SCN8A: variants seen among roughly 807,000 people sequenced by gnomAD.
The protein encoded by SCN8A is sodium voltage-gated channel alpha subunit 8.
SCN8A carries 30 observed loss-of-function variants against 184.1 expected under a neutral mutation model. The ratio of observed to expected loss-of-function variants is 0.16; its 90% CI spans 0.12 to 0.22. The LOEUF is 0.22. SCN8A is among the 10% of genes least tolerant of loss of function. The probability of loss-of-function intolerance (pLI) is 1.00; values close to 1 mark genes in which losing one functional copy is unlikely to be tolerated. For synonymous variants in SCN8A, 852 were observed against 907.0 expected (o/e 0.94, Z 1.09); for missense variants, 1,057 against 2,498.9 (o/e 0.42, Z 12.30).
At chr12:51,627,669 T>C (rs1940109688) in intron 1 of SCN8A, among the ~76,000 whole-genome samples, 1 of 152,168 alleles carries the variant, frequency 6.6e-6, no homozygotes, top group Non-Finnish European at 1.5e-5. Flanking sequence ...GCATGAGCCA[T>C]TGTGCCCAGC....
Position 51,790,462 on chromosome 12 carries a change from TG to T in SCN8A, c.4487del (p.Gly1496AlafsTer13). The T allele has an allele frequency of 6.2e-7, 1 of 1,611,234 alleles. No homozygotes were observed. Among genetic ancestry groups the T allele is most frequent in the Non-Finnish European group, 8.5e-7 (1 of 1,178,666 alleles). ...AAGTACTACAATGCCATGAAAAAGCTGGGCTCAAAGAAGCCACAGAAACCTA... is the reference window on the plus strand; with the variant it reads ...AAGTACTACAATGCCATGAAAAAGCTGGCTCAAAGAAGCCACAGAAACCTA... The part of the protein sequence containing the change: ...QKKYYNAMKK[L>X]GSKKPQKPIP... On this transcript the variant is annotated frameshift_variant, in exon 25 of 27. Coordinates refer to ENST00000627620, the MANE Select transcript of SCN8A (RefSeq NM_001330260.2). LOFTEE classifies it high-confidence loss of function.
intron 1 of SCN8A, among the ~76,000 whole-genome samples, chr12:51,616,385 G>T (rs1939836760): frequency 6.6e-6 from 1 of 152,086 alleles, no homozygotes; most frequent in African/African-American, 2.4e-5. Flanking sequence ...CTGGCTCACG[G>T]ATCACTTGAG....
intron 11 of SCN8A, among the ~76,000 whole-genome samples, chr12:51,716,996 C>A (rs145428947): frequency 6.6e-6 from 1 of 152,266 alleles, no homozygotes; most frequent in Non-Finnish European, 1.5e-5. Context: ...TATTCAAACT[C>A]CCCAATCCTA....
chr12:51,684,356 A>G lies in SCN8A; in HGVS notation c.395+64A>G, dbSNP rs1017101393. 4 of 813,970 alleles carry G rather than the reference A, an allele frequency of 4.9e-6. No individual in the cohort carries two copies. The East Asian group carries it at 7.4e-5, about 15-fold the overall frequency. 50.4% of individuals were successfully genotyped at this position (813,970 alleles called of 1,614,324 possible). On this transcript the variant is annotated intron_variant, in intron 3 of 26. Coordinates refer to ENST00000627620, the MANE Select transcript of SCN8A (RefSeq NM_001330260.2). Reference sequence around the variant, plus strand: ...GCATGGTTGCTTGTTTACCTTTCCAATATTTGACAACTGGATTATATGTTA... The same window carrying G: ...GCATGGTTGCTTGTTTACCTTTCCAGTATTTGACAACTGGATTATATGTTA...
chr12:51,764,214 G>C lies in SCN8A; in HGVS notation c.2545-1457G>C, dbSNP rs148517135. 5.5e-3 allele frequency among the ~76,000 whole-genome samples: 830 copies of C among 152,202 alleles called. 6 individuals carry two copies. The highest frequency in any genetic ancestry group is 0.019 in the African/African-American group (793 of 41,504). ...TTTCAATTAAAAAAAAGTTAAAATT[G>C]TGCTGTTGCCTTCTACCAAAATTCC... On this transcript the variant is annotated intron_variant, in intron 15 of 26. Coordinates refer to ENST00000627620, the MANE Select transcript of SCN8A (RefSeq NM_001330260.2).
At chr12:51,653,037 G>A (rs1268554912) in intron 1 of SCN8A, among the ~76,000 whole-genome samples, 1 of 151,984 alleles carries the variant, frequency 6.6e-6, no homozygotes, top group Non-Finnish European at 1.5e-5. Context: ...TATATAAACT[G>A]GGCCAAGCGA....
In SCN8A at chr12:51,699,710, G is replaced by T. The variant is rs775342033; in HGVS notation, c.847G>T (p.Val283Leu). 1.2e-6 allele frequency: 2 copies of T among 1,613,956 alleles called. No individual in the cohort carries two copies. The highest frequency in any genetic ancestry group is 1.7e-5 in the Admixed American group (1 of 60,006). ...GGGGAACCTTCGAAACAAGTGTGTT[G>T]TGTGGCCCATAAACTTCAACGAGAG... ...FMGNLRNKCV[V>L]WPINFNESYL... is the part of the protein sequence containing the mutation. The change falls in exon 7 of 27, where the codon GTG becomes TTG. Residue 283 changes from valine to leucine, a missense_variant. Physicochemically the swap from Val to Leu is conservative, Grantham distance 32. Transcript: ENST00000627620.
chr12:51,726,119 ATTAG>A (rs1942151339), intron 12 of SCN8A, among the ~76,000 whole-genome samples: 1 of 152,144 alleles, frequency 6.6e-6, no homozygotes, highest in Non-Finnish European at 1.5e-5. Context: ...TTATATCTTC[ATTAG>A]TTATTCAGTT....
rs149865761 is a variant in SCN8A, at chr12:51,772,143, C to T, written c.3645+1460C>T. Among the ~76,000 whole-genome samples, 340 of 152,238 alleles carry T rather than the reference C, an allele frequency of 2.2e-3. 1 individual carries two copies. The highest frequency in any genetic ancestry group is 0.014 in the Middle Eastern group (4 of 294). ...CCGGTCCAGTGGCTCACGCCTTAAT[C>T]CCAGCACTGTGGGAGGCCAAGACGT... On this transcript the variant is annotated intron_variant, in intron 19 of 26. Transcript: ENST00000627620.
chr12:51,639,864 G>T (rs1322665178), intron 1 of SCN8A, among the ~76,000 whole-genome samples: 3 of 69,056 alleles, frequency 4.3e-5, no homozygotes, highest in East Asian at 5.1e-4. Flanking sequence ...AGTATTTTTT[G>T]AATTAAGGTA....
intron 11 of SCN8A, among the ~76,000 whole-genome samples, chr12:51,720,026 A>G (rs1942025203): frequency 6.9e-6 from 1 of 145,716 alleles, no homozygotes; most frequent in African/African-American, 2.5e-5. Flanking sequence ...CAGTGAGCCG[A>G]GATCGCGCCA....
chr12:51,671,165 T>C (rs12372679), intron 2 of SCN8A, among the ~76,000 whole-genome samples: 2,275 of 152,034 alleles, frequency 0.015, 25 homozygotes, highest in Non-Finnish European at 0.023. Flanking sequence ...TTATAATCTT[T>C]AAAAGAGCCA....
Position 51,804,902 on chromosome 12 carries a change from C to T in SCN8A, c.4796-1380C>T, listed in dbSNP as rs188076217. Among the ~76,000 whole-genome samples, 58 of 152,204 alleles carry T rather than the reference C, an allele frequency of 3.8e-4. 1 individual carries two copies. Among genetic ancestry groups the T allele is most frequent in the South Asian group, 1.2e-3 (6 of 4,822 alleles). Reference sequence around the variant, plus strand: ...ACTAGGGAGGTAGGGCTATGGGAAACCAAAGATGTTTTTTCAGAGCAAAGA... The same window carrying T: ...ACTAGGGAGGTAGGGCTATGGGAAATCAAAGATGTTTTTTCAGAGCAAAGA... On this transcript the variant is annotated intron_variant, in intron 26 of 26. Coordinates refer to ENST00000627620, the MANE Select transcript of SCN8A (RefSeq NM_001330260.2).
At chr12:51,713,098 G>A in intron 11 of SCN8A, 3 of 1,335,052 alleles carry the variant, frequency 2.2e-6, no homozygotes, top group Non-Finnish European at 3.2e-6. Flanking sequence ...AGTTACAAAA[G>A]CAGATCCTCT....
chr12:51,795,825 A>G (rs906433303), intron 26 of SCN8A, among the ~76,000 whole-genome samples: 20 of 151,736 alleles, frequency 1.3e-4, no homozygotes, highest in African/African-American at 3.1e-4. Context: ...CGGGCAGACA[A>G]CTTGAGCCCA....
At chr12:51,804,214 G>T (rs1304114361) in intron 26 of SCN8A, among the ~76,000 whole-genome samples, 1 of 152,178 alleles carries the variant, frequency 6.6e-6, no homozygotes, top group Non-Finnish European at 1.5e-5. Context: ...ATCCCTGGAC[G>T]AATATAACTA....
Position 51,789,323 on chromosome 12 carries a change from A to G in SCN8A, c.4324A>G (p.Ile1442Val). The G allele has an allele frequency of 6.2e-7, 1 of 1,613,930 alleles. No homozygotes were observed. The highest frequency in any genetic ancestry group is 8.5e-7 in the Non-Finnish European group (1 of 1,179,836). The change falls in exon 24 of 27, where the codon ATC (isoleucine) becomes GTC (valine). Residue 1442 changes from isoleucine (I) to valine (V), a missense_variant. Ile to Val is a conservative substitution (Grantham distance 29, BLOSUM62 3). This residue lies in a region of SCN8A where 37 missense variants were observed against 216.1 expected (regional missense o/e 0.17). Transcript: ENST00000627620. ...PKYEDNIYMYIYFVIFIIFGS... is the reference protein window; with the variant it reads ...PKYEDNIYMYVYFVIFIIFGS... The stretch of plus-strand genomic sequence containing the variant: ...GTATGAGGACAATATCTACATGTAC[A>G]TCTATTTTGTCATCTTCATCATCTT...
chr12:51,712,723 C>G, intron 11 of SCN8A: 1 of 1,053,836 alleles, frequency 9.5e-7, no homozygotes, highest in Non-Finnish European at 1.5e-6. Context: ...GTTTCCATAT[C>G]CTGGTCCACC....
At chr12:51,727,027 A>C (rs1942166306) in intron 12 of SCN8A, among the ~76,000 whole-genome samples, 1 of 152,264 alleles carries the variant, frequency 6.6e-6, no homozygotes, top group South Asian at 2.1e-4. Flanking sequence ...TCCATGTGAA[A>C]ACAATTTAGA....
Sources: gnomAD v4.1 joint callset for allele counts (sites outside exome capture counted in the v4.1 genomes callset) on GRCh38, gnomAD v4.1.1 for gene constraint, gnomAD v4.1.1 regional missense constraint, MANE v1.5 for transcripts, NCBI Gene and HGNC (gene_info 2026-07-23, HGNC 2026-07-21) for gene names.